EIF2D: variants seen among roughly 807,000 people sequenced by gnomAD.
EIF2D encodes the protein eukaryotic translation initiation factor 2D.
Under a neutral mutation model 77.4 loss-of-function variants are expected in EIF2D, and 56 were observed. The ratio of observed to expected loss-of-function variants is 0.72; its 90% CI spans 0.58 to 0.90. EIF2D has a LOEUF of 0.90. EIF2D is among the 40% of genes least tolerant of loss of function. EIF2D has a pLI of 0.00. For synonymous variants in EIF2D, 230 were observed against 271.0 expected, an observed-to-expected ratio of 0.85 and a Z score of 1.49; for missense variants, 574 against 706.5, an observed-to-expected ratio of 0.81 and a Z score of 2.13.
At chr1:206,573,167 A>G (rs1374641236) in intron 4 of EIF2D, among the ~76,000 whole-genome samples, 2 of 152,246 alleles carry the variant, frequency 1.3e-5, no homozygotes, top group Non-Finnish European at 2.9e-5. Flanking sequence ...ACTGCATTTC[A>G]CAAAGAAATC....
At chr1:206,573,321 C>T (rs1323086474) in intron 4 of EIF2D, among the ~76,000 whole-genome samples, 2 of 152,164 alleles carry the variant, frequency 1.3e-5, no homozygotes, top group Non-Finnish European at 2.9e-5. Context: ...GAAACTGAGG[C>T]ATATAGATTT....
intron 5 of EIF2D, 47 bp from the exon 6 acceptor site, chr1:206,603,251 C>G: frequency 6.3e-7 from 1 of 1,592,582 alleles, no homozygotes; most frequent in Non-Finnish European, 8.6e-7. Context: ...CTCCAATACT[C>G]TCCAGCCCTG....
downstream of EIF2D, chr1:206,586,723 T>C: frequency 1.1e-6 from 1 of 870,900 alleles, no homozygotes. Flanking sequence ...GAATCACGGA[T>C]GTGAACTGGG....
At chr1:206,574,289 G>C (rs1184365855) in intron 4 of EIF2D, among the ~76,000 whole-genome samples, 1 of 152,172 alleles carries the variant, frequency 6.6e-6, no homozygotes, top group East Asian at 1.9e-4. Flanking sequence ...CACTGTACTT[G>C]CTCTGGTGTG....
rs1397944440 is a variant in EIF2D at position 206,592,744 on chromosome 1, A to T, written c.1684+875T>A. ...TTTAAGAAAGCTGACTCAGGCAGAG[A>T]TGTGAAGGCTGGTTTGAAGTGAGGA... On this transcript the variant is annotated intron_variant, in intron 14 of 14. Transcript: ENST00000271764. This position sits in a 1 kb window ranked among gnomAD's most constrained non-coding sequence, Gnocchi z 4.7. Among the ~76,000 whole-genome samples the T allele has an allele frequency of 6.6e-6, 1 of 152,182 alleles. No homozygotes were observed. The highest frequency in any genetic ancestry group is 1.5e-5 in the Non-Finnish European group (1 of 68,040).
At position 206,608,419 on chromosome 1, in the gene EIF2D, T is replaced by C. The variant is rs1190045840; in HGVS notation, c.332-93A>G. Reference sequence around the variant, plus strand: ...TTTCCTCACTCGCTCAACAAAAAAATAGTTACTAGGTATCAACTATGTTTT... The same window carrying C: ...TTTCCTCACTCGCTCAACAAAAAAACAGTTACTAGGTATCAACTATGTTTT... On this transcript the variant is annotated intron_variant, in intron 3 of 14. Transcript: ENST00000271764. The C allele has an allele frequency of 4.0e-5, 40 of 996,590 alleles. No individual in the cohort carries two copies. The South Asian group carries it at 4.1e-4, about 10-fold the overall frequency. The allele number at this position is 996,590 out of a possible 1,614,324, so 61.7% of individuals were successfully genotyped here. A position where few individuals can be genotyped will look rare whatever the true frequency, so the allele number is the denominator to read the frequency against.
chr1:206,597,099 C>T lies in EIF2D; in HGVS notation c.1388+1G>A. 1.2e-6 allele frequency: 2 copies of T among 1,613,378 alleles called. No homozygotes were observed. The highest frequency in any genetic ancestry group is 1.7e-6 in the Non-Finnish European group (2 of 1,179,430). The stretch of plus-strand genomic sequence containing the variant: ...GGAGAGGGACTGCCAATGCTCGTTA[C>T]CTGGTCAGAAGACTGTCCCATGGAA... On this transcript the variant is annotated splice_donor_variant, in intron 12 of 14. Transcript: ENST00000271764. LOFTEE classifies it high-confidence loss of function.
intron 14 of EIF2D, among the ~76,000 whole-genome samples, chr1:206,593,067 C>T (rs985315514): frequency 5.9e-5 from 9 of 151,730 alleles, no homozygotes; most frequent in African/African-American, 1.7e-4. Flanking sequence ...GCCAAGATTG[C>T]GCCACTGCAC....
At position 206,584,252 on chromosome 1, in the gene EIF2D, G is replaced by A. The variant is rs1433834755; in HGVS notation, c.139-3090C>T. 4 of 821,510 alleles carry A rather than the reference G, an allele frequency of 4.9e-6. No homozygotes were observed. Among genetic ancestry groups the A allele is most frequent in the Non-Finnish European group, 7.5e-6 (4 of 530,156 alleles). The allele number at this position is 821,510 out of a possible 1,614,324, so 50.9% of individuals were successfully genotyped here. On this transcript the variant is annotated intron_variant and NMD_transcript_variant, in intron 2 of 5. Transcript: ENST00000472709. The surrounding 1 kb of genome is among the most constrained non-coding windows in gnomAD (Gnocchi z 4.9). Reference sequence around the variant, plus strand: ...AAAGGGATCTCTGCTCCTTCCTCCAGCTCTCCCACGTCAGCAGAGGCAGGA... The same window carrying A: ...AAAGGGATCTCTGCTCCTTCCTCCAACTCTCCCACGTCAGCAGAGGCAGGA...
downstream of EIF2D, chr1:206,586,839 C>G (rs374894198): frequency 2.0e-5 from 33 of 1,613,066 alleles, no homozygotes; most frequent in Non-Finnish European, 2.6e-5. Context: ...GATGCCTTCT[C>G]CATCCCTGAA....
chr1:206,612,361 G>C lies in EIF2D; in HGVS notation c.-19C>G, dbSNP rs1419285528. ...CAAACATGTCTGCTGGGGTGGCCTGGGGAAGAGAGCACAGAAGCCAGGGAA... is the reference window on the plus strand; with the variant it reads ...CAAACATGTCTGCTGGGGTGGCCTGCGGAAGAGAGCACAGAAGCCAGGGAA... On this transcript the variant is annotated 5_prime_UTR_variant, in exon 1 of 15. Coordinates refer to ENST00000271764, the MANE Select transcript of EIF2D (RefSeq NM_006893.3). 1.2e-6 allele frequency: 2 copies of C among 1,614,148 alleles called. No homozygotes were observed. The highest frequency in any genetic ancestry group is 1.7e-5 in the Admixed American group (1 of 60,010).
Position 206,595,970 on chromosome 1 carries a change from T to C in EIF2D, c.1389-132A>G, listed in dbSNP as rs538215852. 2.5e-5 allele frequency: 31 copies of C among 1,258,206 alleles called. No homozygotes were observed. In the East Asian group the frequency reaches 6.6e-4, roughly 27 times the overall value. The allele number at this position is 1,258,206 out of a possible 1,614,324, so 77.9% of individuals were successfully genotyped here. ...AACCTTGGCTGCACATTAGAATCAT[T>C]CAAATCCCTAGGGAGCTACAGCCCA... On this transcript the variant is annotated intron_variant, in intron 12 of 14. Transcript: ENST00000271764.
In EIF2D at chr1:206,609,442, A is replaced by G. The variant is rs782308802; in HGVS notation, c.265T>C (p.Tyr89His). 12 of 1,614,192 alleles carry G rather than the reference A, an allele frequency of 7.4e-6. No individual in the cohort carries two copies. Among genetic ancestry groups the G allele is most frequent in the South Asian group, 1.1e-5 (1 of 91,082 alleles). Residue 89 changes from tyrosine (Y) to histidine (H), a missense_variant, in exon 3 of 15, where the codon TAT becomes CAT. Transcript: ENST00000271764. ...LYPTVYTLWSYPDLLPTFTTW... is the reference protein window; with the variant it reads ...LYPTVYTLWSHPDLLPTFTTW... ...GTAAAGGTTGGCAGAAGATCAGGAT[A>G]GGACCACAGCGTGTACACTGTACAA...
Position 206,597,629 on chromosome 1 carries a change from C to T in EIF2D, c.1293-434G>A, listed in dbSNP as rs138098374. ...GTCAAAAGTTCAAGACCAGCCTGGC[C>T]AACATGGTAAAACCCCATCTCTACT... is the stretch of plus-strand genomic sequence containing the variant. On this transcript the variant is annotated intron_variant, in intron 11 of 14. Transcript: ENST00000271764. Among the ~76,000 whole-genome samples the T allele has an allele frequency of 1.3e-4, 19 of 151,888 alleles. No individual in the cohort carries two copies. The East Asian group carries it at 3.7e-3, about 29-fold the overall frequency.
intron 14 of EIF2D, 128 bp from the exon 15 acceptor site, chr1:206,591,973 T>TA (rs1216600511): frequency 2.4e-6 from 2 of 819,432 alleles, no homozygotes; most frequent in African/African-American, 1.7e-5. Context: ...ACTGACCACT[T>TA]ACGCCTACAC....
chr1:206,587,972 T>G (rs1298036744), downstream of EIF2D: 2 of 153,112 alleles, frequency 1.3e-5, no homozygotes, highest in East Asian at 3.8e-4. Flanking sequence ...CCACTGCGAC[T>G]CTGGGATCTC....
In EIF2D at chr1:206,611,393, C is replaced by T; in HGVS notation, c.57-19G>A. The T allele has an allele frequency of 1.9e-6, 3 of 1,603,636 alleles. No individual in the cohort carries two copies. Among genetic ancestry groups the T allele is most frequent in the Non-Finnish European group, 2.6e-6 (3 of 1,172,414 alleles). On this transcript the variant is annotated intron_variant, in intron 1 of 14. Coordinates refer to ENST00000271764, the MANE Select transcript of EIF2D (RefSeq NM_006893.3). ...CTTTCTCCTGTGGAAAGCACACCAG[C>T]ACTGTGAATGCTGCCTGGACAGACT...
chr1:206,593,827 G>C (rs782184231), intron 13 of EIF2D, 34 bp from the exon 14 acceptor site: 1 of 1,569,656 alleles, frequency 6.4e-7, no homozygotes, highest in Non-Finnish European at 8.7e-7. Flanking sequence ...ACTGACGGTG[G>C]TGACTGCATT....
At chr1:206,603,694 CTG>C (rs1327057405) in intron 5 of EIF2D, among the ~76,000 whole-genome samples, 1 of 152,236 alleles carries the variant, frequency 6.6e-6, no homozygotes, top group Non-Finnish European at 1.5e-5. Context: ...TCAGTGGCTT[CTG>C]TGTTACATCA....
Sources: gnomAD v4.1 joint callset for allele counts (sites outside exome capture counted in the v4.1 genomes callset) on GRCh38, gnomAD v4.1.1 for gene constraint, Gnocchi (gnomAD v3.1) non-coding constraint, MANE v1.5 for transcripts, NCBI Gene and HGNC (gene_info 2026-07-23, HGNC 2026-07-21) for gene names.